Variants in AEBP2 observed in about 807,000 individuals in gnomAD.
AEBP2 encodes zinc finger protein AEBP2.
In AEBP2, 10 loss-of-function variants were observed where a neutral mutation model predicts 50.8. The observed-to-expected ratio is 0.20, with a 90% CI of 0.12 to 0.33. The LOEUF (loss-of-function observed/expected upper bound fraction) is 0.33, where lower values mean the gene tolerates loss of function less well. Ranked by LOEUF, AEBP2 falls within the 10% of genes least tolerant of loss-of-function variation. The pLI is 1.00. For synonymous variants in AEBP2, 296 were observed against 261.3 expected, an observed-to-expected ratio of 1.13 and a Z score of -1.28; for missense variants, 570 against 688.0, an observed-to-expected ratio of 0.83 and a Z score of 1.92.
intron 1 of AEBP2, among the ~76,000 whole-genome samples, chr12:19,405,482 T>TACCC (rs1170909862): frequency 1.3e-5 from 2 of 151,736 alleles, no homozygotes; most frequent in African/African-American, 4.8e-5. Context: ...TGTACCACCA[T>TACCC]ACCCAGCTAA....
At chr12:19,415,658 A>ATACAATACACTACAATACAC (rs1228877726) in intron 1 of AEBP2, among the ~76,000 whole-genome samples, 13 of 127,186 alleles carry the variant, frequency 1.0e-4, no homozygotes, top group African/African-American at 3.8e-4. Context: ...GATTAAATCA[A>ATACAATACACTACAATACAC]TACAATACAA....
chr12:19,406,407 A>G (rs2095736291), intron 1 of AEBP2, among the ~76,000 whole-genome samples: 1 of 152,162 alleles, frequency 6.6e-6, no homozygotes, highest in South Asian at 2.1e-4. Flanking sequence ...AACTGCACTA[A>G]CAATCTTCAG....
chr12:19,411,822 G>A (rs2095739357), intron 1 of AEBP2, among the ~76,000 whole-genome samples: 1 of 152,176 alleles, frequency 6.6e-6, no homozygotes, highest in African/African-American at 2.4e-5. Flanking sequence ...AGATTGACTC[G>A]TTTACTCCTC....
chr12:19,442,926 A>G lies in AEBP2; in HGVS notation c.671+2556A>G, dbSNP rs138238683. 4.9e-3 allele frequency among the ~76,000 whole-genome samples: 742 copies of G among 152,298 alleles called. 5 individuals are homozygous for G. The highest frequency in any genetic ancestry group is 0.017 in the African/African-American group (698 of 41,568). On this transcript the variant is annotated intron_variant, in intron 1 of 7. Transcript: ENST00000266508. ...CATGGTAAGAAAACTTCATTTTTGT[A>G]ACCAGTGGAAGGATAATCTTAGTTT...
chr12:19,494,104 G>T, intron 4 of AEBP2, 118 bp downstream of exon 4: 2 of 1,115,952 alleles, frequency 1.8e-6, no homozygotes, highest in Non-Finnish European at 2.5e-6. Flanking sequence ...CAAACAGGTA[G>T]GATGCCTGTC....
chr12:19,427,244 G>C (rs569399540), intron 1 of AEBP2, among the ~76,000 whole-genome samples: 4 of 152,090 alleles, frequency 2.6e-5, no homozygotes, highest in African/African-American at 9.6e-5. Context: ...AGGTGTGTTG[G>C]CATGTGCCTG....
At chr12:19,413,634 C>T (rs755205116) in intron 1 of AEBP2, among the ~76,000 whole-genome samples, 7 of 152,148 alleles carry the variant, frequency 4.6e-5, no homozygotes, top group Non-Finnish European at 8.8e-5. Flanking sequence ...AGCAGCCCAG[C>T]GGGCCGCTGG....
At chr12:19,450,543 A>G (rs2153367906) in intron 1 of AEBP2, among the ~76,000 whole-genome samples, 1 of 142,894 alleles carries the variant, frequency 7.0e-6, no homozygotes, top group Non-Finnish European at 1.5e-5. Flanking sequence ...CTAGATGAAA[A>G]TGTCAGCCTG....
intron 4 of AEBP2, among the ~76,000 whole-genome samples, chr12:19,494,632 G>A (rs1948943716): frequency 6.6e-6 from 1 of 151,246 alleles, no homozygotes; most frequent in Non-Finnish European, 1.5e-5. Flanking sequence ...TGCCTGTCTC[G>A]GCCTCCCAAA....
intron 1 of AEBP2, among the ~76,000 whole-genome samples, chr12:19,430,379 T>G (rs1364395144): frequency 3.3e-5 from 5 of 152,094 alleles, no homozygotes; most frequent in African/African-American, 4.8e-5. Flanking sequence ...GTTACTGTAG[T>G]CTTGTAGTAT....
chr12:19,421,156 C>T (rs1018636884), intron 1 of AEBP2, among the ~76,000 whole-genome samples: 1 of 151,558 alleles, frequency 6.6e-6, no homozygotes, highest in Non-Finnish European at 1.5e-5. Context: ...ACCAGCCTGG[C>T]CACATAGTGA....
chr12:19,478,692 T>G (rs983851058), intron 3 of AEBP2, among the ~76,000 whole-genome samples: 2 of 152,182 alleles, frequency 1.3e-5, no homozygotes, highest in Non-Finnish European at 2.9e-5. Context: ...TTCAAATAAT[T>G]TTTTAATTTC....
chr12:19,473,697 C>T (rs998185446), intron 3 of AEBP2, among the ~76,000 whole-genome samples: 5 of 152,160 alleles, frequency 3.3e-5, no homozygotes, highest in African/African-American at 1.2e-4. Context: ...TGAGCCACTG[C>T]GCCTGGCTGT....
chr12:19,420,559 C>T (rs1197032025), intron 1 of AEBP2, among the ~76,000 whole-genome samples: 1 of 151,964 alleles, frequency 6.6e-6, no homozygotes, highest in Non-Finnish European at 1.5e-5. Flanking sequence ...GTCTTGAACT[C>T]CTGTGATCTG....
intron 1 of AEBP2, among the ~76,000 whole-genome samples, chr12:19,407,700 A>G (rs112222878): frequency 6.6e-6 from 1 of 152,086 alleles, no homozygotes; most frequent in African/African-American, 2.4e-5. Context: ...TGGCCTCCCA[A>G]AGTGCTGGGA....
intron 1 of AEBP2, chr12:19,456,254 CT>C: frequency 1.3e-6 from 2 of 1,525,586 alleles, no homozygotes; most frequent in Non-Finnish European, 9.0e-7. Flanking sequence ...TTCATTTAGC[CT>C]TTTGAGCTTT....
intron 1 of AEBP2, among the ~76,000 whole-genome samples, chr12:19,447,530 A>G (rs763543787): frequency 2.0e-5 from 3 of 152,182 alleles, no homozygotes; most frequent in East Asian, 1.9e-4. Context: ...TCCAGACACA[A>G]CCGTCACTAG....
chr12:19,463,180 G>C (rs1279697651), intron 2 of AEBP2, among the ~76,000 whole-genome samples: 1 of 152,146 alleles, frequency 6.6e-6, no homozygotes, highest in Non-Finnish European at 1.5e-5. Context: ...AGTGAGAATT[G>C]ATCATCTTTC....
At chr12:19,515,092 A>G (rs1565739963) in intron 7 of AEBP2, among the ~76,000 whole-genome samples, 1 of 152,220 alleles carries the variant, frequency 6.6e-6, no homozygotes, top group Admixed American at 6.5e-5. Flanking sequence ...TCTTTTTATA[A>G]TAACAGACTT....
Sources: allele counts gnomAD v4.1 joint callset (sites outside exome capture counted in the v4.1 genomes callset), GRCh38; gene constraint gnomAD v4.1.1; transcripts MANE v1.5; gene names NCBI Gene and HGNC (gene_info 2026-07-23, HGNC 2026-07-21).